Variants in ATPAF2 observed in about 807,000 individuals in gnomAD.
ATPAF2 encodes the protein ATP synthase mitochondrial F1 complex assembly factor 2, also known as ATP12 homolog.
In ATPAF2, 30 loss-of-function variants were observed where a neutral mutation model predicts 36.6. That is an observed-to-expected ratio of 0.82 (90% CI 0.61 to 1.11). The LOEUF (loss-of-function observed/expected upper bound fraction) is 1.11. Among genes scored for constraint, ATPAF2 ranks in the 50% most tolerant of loss-of-function variants. The pLI is 0.00. For synonymous variants in ATPAF2, 140 were observed against 152.6 expected (o/e 0.92, Z 0.61); for missense variants, 321 against 372.3 (o/e 0.86, Z 1.13).
At chr17:18,037,105 T>A (rs1250147794) in intron 1 of ATPAF2, among the ~76,000 whole-genome samples, 1 of 152,044 alleles carries the variant, frequency 6.6e-6, no homozygotes, top group Non-Finnish European at 1.5e-5. Context: ...ATAAATAAAT[T>A]AATTAACCCT....
chr17:18,028,215 C>A lies in ATPAF2; in HGVS notation c.324+17G>T, dbSNP rs1276266657. 1 of 1,614,190 alleles carries A rather than the reference C, an allele frequency of 6.2e-7. No individual in the cohort carries two copies. Among genetic ancestry groups the A allele is most frequent in the East Asian group, 2.2e-5 (1 of 44,888 alleles). Reference sequence around the variant, plus strand: ...GGGTGGGTCTCAGGGTCCAGGTTCACACTGTGAACTTGTTACCAGGTGCAT... The same window carrying A: ...GGGTGGGTCTCAGGGTCCAGGTTCAAACTGTGAACTTGTTACCAGGTGCAT... On this transcript the variant is annotated intron_variant, in intron 3 of 7. Coordinates refer to ENST00000474627, the MANE Select transcript of ATPAF2 (RefSeq NM_145691.4).
At chr17:18,026,241 C>A in intron 4 of ATPAF2, 78 bp downstream of exon 4, 1 of 1,344,716 alleles carries the variant, frequency 7.4e-7, no homozygotes, top group Non-Finnish European at 1.1e-6. Flanking sequence ...AGGGTTTCTT[C>A]TTCCACTGAT....
chr17:18,019,183 A>ACACCCCAC (rs1555634127), intron 7 of ATPAF2, among the ~76,000 whole-genome samples: 253 of 150,822 alleles, frequency 1.7e-3, no homozygotes, highest in African/African-American at 5.9e-3. Context: ...ACACACACAC[A>ACACCCCAC]CACCCCACCA....
At chr17:18,037,851 G>A (rs1335647727) in intron 1 of ATPAF2, among the ~76,000 whole-genome samples, 6 of 152,154 alleles carry the variant, frequency 3.9e-5, no homozygotes, top group African/African-American at 1.2e-4. Context: ...CCCTGGACAC[G>A]TTCTAGATAC....
rs34607655 is a variant in ATPAF2 at position 18,021,133 on chromosome 17, T to C, written c.722A>G (p.Glu241Gly). ...EQAVLLSRLE[E>G]EYQIQKWGNI... ...GGTGCTGCTCCTCACCTGGTACTCCTCCTCCAGGCGTGACAGCAGCACGGC... is the reference window on the plus strand; with the variant it reads ...GGTGCTGCTCCTCACCTGGTACTCCCCCTCCAGGCGTGACAGCAGCACGGC... The change falls in exon 7 of 8, where the codon GAG (glutamate) becomes GGG (glycine). Residue 241 changes from glutamate (E) to glycine (G), a missense_variant. By Grantham distance (98) the Glu-to-Gly change is moderately conservative. This residue lies in a region of ATPAF2 where 199 missense variants were observed against 220.6 expected (regional missense o/e 0.90). Transcript: ENST00000474627. 857 of 1,613,400 alleles carry C rather than the reference T, an allele frequency of 5.3e-4. 6 individuals are homozygous for C. In the African/African-American group the frequency reaches 9.8e-3, roughly 18 times the overall value.
chr17:18,034,367 T>C (rs2044676265), intron 1 of ATPAF2, among the ~76,000 whole-genome samples: 1 of 152,134 alleles, frequency 6.6e-6, no homozygotes. Flanking sequence ...ACTGAGCCAC[T>C]TGCACTACAA....
intron 1 of ATPAF2, among the ~76,000 whole-genome samples, 161 bp downstream of exon 1, chr17:18,038,720 T>C (rs1222618169): frequency 6.6e-6 from 1 of 152,262 alleles, no homozygotes; most frequent in Non-Finnish European, 1.5e-5. Flanking sequence ...TCGTCTGCCC[T>C]TGTCTGGGCT....
chr17:18,028,436 C>T (rs1469199532), intron 2 of ATPAF2, 59 bp from the exon 3 acceptor site: 1 of 1,600,940 alleles, frequency 6.2e-7, no homozygotes, highest in Non-Finnish European at 8.5e-7. Context: ...AGTGACCATT[C>T]CTATATTTAG....
In ATPAF2 at chr17:18,018,324, TCTC is replaced by T; in HGVS notation, c.*222_*224del. 1.7e-6 allele frequency: 1 copy of T among 595,986 alleles called. No individual in the cohort carries two copies. The highest frequency in any genetic ancestry group is 3.0e-6 in the Non-Finnish European group (1 of 335,572). 36.9% of individuals were successfully genotyped at this position (595,986 alleles called of 1,614,324 possible). On this transcript the variant is annotated 3_prime_UTR_variant, in exon 8 of 8. Coordinates refer to ENST00000474627, the MANE Select transcript of ATPAF2 (RefSeq NM_145691.4). The stretch of plus-strand genomic sequence containing the variant: ...GAGAGAAAGTCACTTGCACAATTCA[TCTC>T]CTACATTCACTGCTGGCCAGGCCAG...
chr17:18,016,476 C>A, downstream of ATPAF2: 1 of 1,042,130 alleles, frequency 9.6e-7, no homozygotes, highest in Non-Finnish European at 1.4e-6. Flanking sequence ...GAACTATTTT[C>A]CCCTTCCCTC....
intron 7 of ATPAF2, 184 bp downstream of exon 7, chr17:18,020,939 G>A: frequency 7.1e-7 from 1 of 1,403,042 alleles, no homozygotes; most frequent in East Asian, 2.7e-5. Context: ...GGGATTACAG[G>A]TGTGAACCAC....
At chr17:18,022,703 G>C (rs1190081186) in intron 5 of ATPAF2, among the ~76,000 whole-genome samples, 1 of 147,416 alleles carries the variant, frequency 6.8e-6, no homozygotes, top group Non-Finnish European at 1.5e-5. Flanking sequence ...CCTGACCTCT[G>C]CGCCTGGCTG....
At chr17:18,038,499 G>C (rs1046538662) in intron 1 of ATPAF2, among the ~76,000 whole-genome samples, 6 of 152,212 alleles carry the variant, frequency 3.9e-5, no homozygotes, top group Non-Finnish European at 8.8e-5. Flanking sequence ...GTGGAGACAC[G>C]GAAAACAGTC....
chr17:18,016,729 G>A, downstream of ATPAF2: 1 of 1,143,858 alleles, frequency 8.7e-7, no homozygotes, highest in Non-Finnish European at 1.3e-6. Context: ...GCCAGGAGAA[G>A]GAAGTGCACA....
chr17:18,029,864 G>A (rs1279492256), intron 1 of ATPAF2, among the ~76,000 whole-genome samples: 1 of 108,390 alleles, frequency 9.2e-6, no homozygotes, highest in Non-Finnish European at 1.7e-5. Flanking sequence ...CGGCCAAATA[G>A]TTTGCCTTTA....
At chr17:18,019,096 C>T (rs61282470) in intron 7 of ATPAF2, among the ~76,000 whole-genome samples, 115 of 152,010 alleles carry the variant, frequency 7.6e-4, no homozygotes, top group African/African-American at 2.6e-3. Context: ...GCCAAGATCA[C>T]ACCGCTGCAC....
chr17:18,018,315 C>G lies in ATPAF2; in HGVS notation c.*234G>C, dbSNP rs541075969. On this transcript the variant is annotated 3_prime_UTR_variant, in exon 8 of 8. Coordinates refer to ENST00000474627, the MANE Select transcript of ATPAF2 (RefSeq NM_145691.4). ...ATCAGAGTCGAGAGAAAGTCACTTG[C>G]ACAATTCATCTCCTACATTCACTGC... is the stretch of plus-strand genomic sequence containing the variant. 9 of 587,778 alleles carry G rather than the reference C, an allele frequency of 1.5e-5. No individual in the cohort carries two copies. In the African/African-American group the frequency reaches 1.7e-4, roughly 11 times the overall value. The allele number at this position is 587,778 out of a possible 1,614,324, so 36.4% of individuals were successfully genotyped here.
chr17:18,036,371 C>T (rs969458926), intron 1 of ATPAF2, among the ~76,000 whole-genome samples: 1 of 151,960 alleles, frequency 6.6e-6, no homozygotes, highest in Non-Finnish European at 1.5e-5. Context: ...GTCAGGAGAT[C>T]GAGACCATCC....
chr17:18,037,503 G>T (rs2044720259), intron 1 of ATPAF2, among the ~76,000 whole-genome samples: 1 of 152,146 alleles, frequency 6.6e-6, no homozygotes, highest in South Asian at 2.1e-4. Flanking sequence ...AAAATCGCTT[G>T]AATCTGGGAG....
Sources: allele counts gnomAD v4.1 joint callset (sites outside exome capture counted in the v4.1 genomes callset), GRCh38; gene constraint gnomAD v4.1.1; regional missense constraint gnomAD v4.1.1; transcripts MANE v1.5; gene names NCBI Gene and HGNC (gene_info 2026-07-23, HGNC 2026-07-21).